ATP8B4: variants seen among roughly 807,000 people sequenced by gnomAD.
ATP8B4 encodes probable phospholipid-transporting ATPase IM.
Under a neutral mutation model 145.6 loss-of-function variants are expected in ATP8B4, and 133 were observed. The observed-to-expected ratio is 0.91, with a 90% CI of 0.79 to 1.05. The LOEUF (loss-of-function observed/expected upper bound fraction) is 1.05, where lower values mean the gene tolerates loss of function less well. Ranked by LOEUF, ATP8B4 falls within the 50% of genes least tolerant of loss-of-function variation. ATP8B4 has a pLI of 0.00. For missense variants in ATP8B4, 1,458 were observed against 1,425.2 expected (o/e 1.02, Z -0.37); for synonymous variants, 507 against 492.9 (o/e 1.03, Z -0.38).
intron 6 of ATP8B4, among the ~76,000 whole-genome samples, chr15:50,023,779 C>CAAAAAAAAAAAAAAAAAAAAAAAAAGAA (rs60030651): frequency 4.0e-5 from 3 of 75,056 alleles, no homozygotes; most frequent in Non-Finnish European, 5.1e-5. Flanking sequence ...AGACCAAAGG[C>CAAAAAAAAAAAAAAAAAAAAAAAAAGAA]AAAAAAAAAA....
intron 1 of ATP8B4, among the ~76,000 whole-genome samples, chr15:50,117,483 CA>C (rs962091543): frequency 6.6e-6 from 1 of 152,064 alleles, no homozygotes; most frequent in African/African-American, 2.4e-5. Flanking sequence ...CTCCCACCCA[CA>C]AAAAAATCCT....
At chr15:49,967,210 T>C (rs1311410046) in intron 13 of ATP8B4, among the ~76,000 whole-genome samples, 1 of 152,084 alleles carries the variant, frequency 6.6e-6, no homozygotes, top group African/African-American at 2.4e-5. Flanking sequence ...GAACGCCTCT[T>C]CTCCTGCAAA....
rs2037507542 is a variant in ATP8B4, at chr15:49,897,329, T to C, written c.2660A>G (p.His887Arg). ...ACCACAGAAGAAACCAAACCAGAAA[T>C]GCACAAGTGTAAATGCAAAATTCTT... ...FYKNFAFTLV[H>R]FWFGFFCGFS... The change falls in exon 23 of 28, where the codon CAT becomes CGT. Residue 887 changes from histidine (H) to arginine (R), a missense_variant. By Grantham distance (29) the His-to-Arg change is conservative. Coordinates refer to ENST00000284509, the MANE Select transcript of ATP8B4 (RefSeq NM_024837.4). 6.2e-7 allele frequency: 1 copy of C among 1,612,178 alleles called. No individual in the cohort carries two copies. The highest frequency in any genetic ancestry group is 1.3e-5 in the African/African-American group (1 of 74,642).
chr15:50,178,163 G>T (rs1180306026), intron 1 of ATP8B4, among the ~76,000 whole-genome samples: 1 of 152,162 alleles, frequency 6.6e-6, no homozygotes, highest in Non-Finnish European at 1.5e-5. Flanking sequence ...AGGAAAAGAG[G>T]GGTCTAGGAG....
At chr15:49,977,226 C>T (rs925018747) in intron 12 of ATP8B4, among the ~76,000 whole-genome samples, 1 of 152,102 alleles carries the variant, frequency 6.6e-6, no homozygotes, top group Non-Finnish European at 1.5e-5. Flanking sequence ...AGAAGGTCTT[C>T]ATCATTCCGG....
chr15:50,167,557 A>G (rs1360402086), intron 1 of ATP8B4, among the ~76,000 whole-genome samples: 1 of 88,690 alleles, frequency 1.1e-5, no homozygotes. Flanking sequence ...TAGCTTAATG[A>G]TATCTGCAAA....
At chr15:49,991,804 T>C (rs762160095) in intron 9 of ATP8B4, among the ~76,000 whole-genome samples, 1 of 152,192 alleles carries the variant, frequency 6.6e-6, no homozygotes, top group African/African-American at 2.4e-5. Context: ...ACTGAGAACA[T>C]TGCTACGTTT....
chr15:50,043,316 T>C (rs2051450789), intron 5 of ATP8B4, among the ~76,000 whole-genome samples: 1 of 152,256 alleles, frequency 6.6e-6, no homozygotes, highest in Admixed American at 6.5e-5. Flanking sequence ...TATTGCCTTA[T>C]ATCTGACTTA....
intron 3 of ATP8B4, among the ~76,000 whole-genome samples, chr15:50,063,473 A>C (rs2053171209): frequency 6.6e-6 from 1 of 152,142 alleles, no homozygotes; most frequent in East Asian, 1.9e-4. Flanking sequence ...TAGATACAAT[A>C]ATAAAAGGAA....
chr15:49,866,279 A>C (rs1349742613), intron 26 of ATP8B4, 67 bp downstream of exon 26: 1 of 1,549,824 alleles, frequency 6.5e-7, no homozygotes, highest in East Asian at 2.3e-5. Context: ...CTAACACAAA[A>C]AATAAATTAT....
intron 13 of ATP8B4, among the ~76,000 whole-genome samples, chr15:49,963,861 G>A (rs1169639529): frequency 6.6e-6 from 1 of 151,804 alleles, no homozygotes; most frequent in Non-Finnish European, 1.5e-5. Context: ...GTTTACCTAT[G>A]TAACAAACCT....
chr15:50,023,452 T>C (rs2049746599), intron 6 of ATP8B4, among the ~76,000 whole-genome samples: 1 of 152,144 alleles, frequency 6.6e-6, no homozygotes, highest in Admixed American at 6.5e-5. Flanking sequence ...CCACAGTCCT[T>C]TGCATATTTG....
chr15:50,106,808 A>C, intron 2 of ATP8B4, 131 bp downstream of exon 2: 2 of 798,356 alleles, frequency 2.5e-6, no homozygotes, highest in Non-Finnish European at 3.8e-6. Context: ...GGGTGTATAT[A>C]ATCGTCGAAG....
chr15:50,117,948 A>G (rs2153676564), intron 1 of ATP8B4, among the ~76,000 whole-genome samples: 1 of 152,328 alleles, frequency 6.6e-6, no homozygotes, highest in Non-Finnish European at 1.5e-5. Flanking sequence ...GAGCTAAAAA[A>G]GTTGATCTCA....
rs989824218 is a variant in ATP8B4, at chr15:49,974,140, C to A, written c.1035-1350G>T. ...TCTTGTTGCCTAAGCTGGAGTGCAA[C>A]GGCGCAATCTCGGCTCACTGCAACT... On this transcript the variant is annotated intron_variant, in intron 12 of 27. Coordinates refer to ENST00000284509, the MANE Select transcript of ATP8B4 (RefSeq NM_024837.4). 2.8e-5 allele frequency among the ~76,000 whole-genome samples: 4 copies of A among 142,332 alleles called. No individual in the cohort carries two copies. The Admixed American group carries it at 2.9e-4, about 10-fold the overall frequency. 93.4% of individuals were successfully genotyped at this position (142,332 alleles called of 152,430 possible).
Position 50,023,183 on chromosome 15 carries a change from C to T in ATP8B4, c.363-12266G>A, listed in dbSNP as rs542075960. On this transcript the variant is annotated intron_variant, in intron 6 of 27. Transcript: ENST00000284509. The stretch of plus-strand genomic sequence containing the variant: ...TCTAGTGATCAAGGGGTTTCAAGAC[C>T]TTATGGTCTTATTTATAGTCTGTAA... Among the ~76,000 whole-genome samples, 10 of 152,240 alleles carry T rather than the reference C, an allele frequency of 6.6e-5. No individual in the cohort carries two copies. In the South Asian group the frequency reaches 1.2e-3, roughly 19 times the overall value.
intron 3 of ATP8B4, among the ~76,000 whole-genome samples, chr15:50,061,936 T>C (rs554795759): frequency 3.3e-5 from 5 of 152,362 alleles, no homozygotes. Flanking sequence ...TGAAAATGTT[T>C]ATTATAAGCT....
chr15:50,042,210 T>C (rs950389330), intron 5 of ATP8B4, among the ~76,000 whole-genome samples: 9 of 151,468 alleles, frequency 5.9e-5, no homozygotes, highest in Admixed American at 2.6e-4. Context: ...ATGTGAACCA[T>C]GAAATAGGCT....
intron 9 of ATP8B4, among the ~76,000 whole-genome samples, chr15:49,989,052 C>T (rs2153544695): frequency 6.6e-6 from 1 of 152,292 alleles, no homozygotes; most frequent in South Asian, 2.1e-4. Flanking sequence ...CCAGACATCC[C>T]TATTTCCCAC....
Sources: gnomAD v4.1 joint callset for allele counts (sites outside exome capture counted in the v4.1 genomes callset) on GRCh38, gnomAD v4.1.1 for gene constraint, MANE v1.5 for transcripts, NCBI Gene and HGNC (gene_info 2026-07-23, HGNC 2026-07-21) for gene names.